The following PTPRK variants were observed in gnomAD, a reference collection of about 807,000 sequenced individuals.
PTPRK encodes the protein protein tyrosine phosphatase receptor type K.
Under a neutral mutation model 178.0 loss-of-function variants are expected in PTPRK, and 75 were observed. The ratio of observed to expected loss-of-function variants is 0.42; its 90% CI spans 0.35 to 0.51. The LOEUF is 0.51. Among genes scored for constraint, PTPRK ranks in the 20% least tolerant of loss-of-function variants. The pLI is 0.02. For missense variants in PTPRK, 1,441 were observed against 1,797.8 expected (o/e 0.80, Z 3.59); for synonymous variants, 637 against 620.6 (o/e 1.03, Z -0.39).
intron 13 of PTPRK, among the ~76,000 whole-genome samples, chr6:128,018,818 C>T (rs1773002466): frequency 6.6e-6 from 1 of 151,984 alleles, no homozygotes; most frequent in African/African-American, 2.4e-5. Context: ...GGGAAGTCTA[C>T]TTTCTAAAAA....
rs754737367 is a variant in PTPRK, at chr6:128,090,037, G to T, written c.1163-45C>A. On this transcript the variant is annotated intron_variant, in intron 7 of 29. Coordinates refer to ENST00000368226, the MANE Select transcript of PTPRK (RefSeq NM_002844.4). ...TGTAGACAGCTGTCTATTATATCATGAATAATCCTGGAAAAATAAAACACC... is the reference window on the plus strand; with the variant it reads ...TGTAGACAGCTGTCTATTATATCATTAATAATCCTGGAAAAATAAAACACC... 5 of 1,430,170 alleles carry T rather than the reference G, an allele frequency of 3.5e-6. No homozygotes were observed. In the African/African-American group the frequency reaches 5.7e-5, roughly 16 times the overall value. 88.6% of individuals were successfully genotyped at this position (1,430,170 alleles called of 1,614,324 possible).
At chr6:128,127,183 C>T (rs1038361317) in intron 7 of PTPRK, among the ~76,000 whole-genome samples, 4 of 152,178 alleles carry the variant, frequency 2.6e-5, no homozygotes, top group Non-Finnish European at 4.4e-5. Context: ...ATCTTGACTA[C>T]TGTAGCTTAA....
At chr6:128,144,192 A>G (rs1452847543) in intron 7 of PTPRK, among the ~76,000 whole-genome samples, 2 of 152,184 alleles carry the variant, frequency 1.3e-5, no homozygotes, top group Non-Finnish European at 2.9e-5. Flanking sequence ...CAGATTATCT[A>G]TAGTGAAGGA....
At chr6:127,977,151 G>T in intron 25 of PTPRK, 97 bp from the exon 26 acceptor site, 1 of 1,231,054 alleles carries the variant, frequency 8.1e-7, no homozygotes, top group African/African-American at 1.5e-5. Flanking sequence ...GGACCAGTAA[G>T]ATGCAATAGC....
At chr6:128,264,017 AC>A (rs5879883) in intron 3 of PTPRK, among the ~76,000 whole-genome samples, 5,801 of 152,232 alleles carry the variant, frequency 0.038, 365 homozygotes, top group African/African-American at 0.13. Context: ...GCAGACTACT[AC>A]ATCAAGCAAA....
At chr6:128,344,914 T>C (rs1832206492) in intron 2 of PTPRK, among the ~76,000 whole-genome samples, 1 of 151,924 alleles carries the variant, frequency 6.6e-6, no homozygotes, top group South Asian at 2.1e-4. Context: ...TTTTAATTAA[T>C]CTAGAGAAAA....
chr6:128,319,092 T>G lies in PTPRK; in HGVS notation c.495+2947A>C, dbSNP rs561804470. On this transcript the variant is annotated intron_variant, in intron 3 of 29. Coordinates refer to ENST00000368226, the MANE Select transcript of PTPRK (RefSeq NM_002844.4). ...TATGTCAAAAAGCAAAATTTACATT[T>G]GCTGGCTCTAAGTAAGTGTGATTTA... is the stretch of plus-strand genomic sequence containing the variant. Among the ~76,000 whole-genome samples the G allele has an allele frequency of 3.9e-5, 6 of 152,322 alleles. No homozygotes were observed. In the South Asian group the frequency reaches 1.0e-3, roughly 26 times the overall value.
At chr6:128,481,558 T>G (rs1406402580) in intron 1 of PTPRK, among the ~76,000 whole-genome samples, 1 of 152,110 alleles carries the variant, frequency 6.6e-6, no homozygotes, top group Non-Finnish European at 1.5e-5. Context: ...ACTGTAACAT[T>G]GTATTGCAGG....
chr6:128,022,697 T>C (rs10456973), intron 13 of PTPRK, among the ~76,000 whole-genome samples: 82,676 of 151,994 alleles, frequency 0.54, 24,540 homozygotes, highest in Non-Finnish European at 0.67. Context: ...CAGTATTTCC[T>C]GGAACACCTA....
At chr6:128,202,863 C>CA (rs1015639225) in intron 6 of PTPRK, among the ~76,000 whole-genome samples, 4 of 152,018 alleles carry the variant, frequency 2.6e-5, no homozygotes, top group African/African-American at 9.7e-5. Context: ...GAAACTAATC[C>CA]AAAAAATTAA....
chr6:128,027,595 T>G (rs947293899), intron 13 of PTPRK, among the ~76,000 whole-genome samples: 2 of 152,074 alleles, frequency 1.3e-5, no homozygotes. Flanking sequence ...TGAGGCTTGT[T>G]GTATGTTTTT....
intron 6 of PTPRK, among the ~76,000 whole-genome samples, chr6:128,214,191 ATAGG>A (rs1284904554): frequency 2.0e-5 from 3 of 152,148 alleles, no homozygotes; most frequent in African/African-American, 7.2e-5. Flanking sequence ...AAAAGTTCTA[ATAGG>A]TTTTGAATGC....
intron 7 of PTPRK, among the ~76,000 whole-genome samples, chr6:128,143,755 C>T (rs1796101696): frequency 6.6e-6 from 1 of 152,130 alleles, no homozygotes; most frequent in African/African-American, 2.4e-5. Context: ...ATTCTAATCT[C>T]ATCCTTTTAT....
chr6:128,241,572 A>C (rs768394511), intron 4 of PTPRK, among the ~76,000 whole-genome samples: 29 of 152,172 alleles, frequency 1.9e-4, no homozygotes, highest in Non-Finnish European at 3.8e-4. Flanking sequence ...CGGGCCCTAT[A>C]AAATGCTGCT....
At chr6:128,341,562 CA>C (rs1451532894) in intron 2 of PTPRK, among the ~76,000 whole-genome samples, 8 of 151,946 alleles carry the variant, frequency 5.3e-5, no homozygotes, top group South Asian at 2.1e-4. Context: ...AACATTTTTT[CA>C]AAAAGATGCT....
At chr6:128,194,907 T>C (rs1804588295) in intron 6 of PTPRK, among the ~76,000 whole-genome samples, 1 of 152,148 alleles carries the variant, frequency 6.6e-6, no homozygotes, top group Non-Finnish European at 1.5e-5. Context: ...TCATTTCATA[T>C]TAAGACACAA....
chr6:128,314,582 G>A (rs1484632474), intron 3 of PTPRK, among the ~76,000 whole-genome samples: 1 of 152,022 alleles, frequency 6.6e-6, no homozygotes, highest in Non-Finnish European at 1.5e-5. Flanking sequence ...GCTCTAGTTG[G>A]TGTCTGTTAT....
At chr6:128,290,082 G>A (rs1823132643) in intron 3 of PTPRK, among the ~76,000 whole-genome samples, 1 of 151,930 alleles carries the variant, frequency 6.6e-6, no homozygotes, top group Admixed American at 6.6e-5. Context: ...AACAAAGATG[G>A]GAAACAACCA....
At chr6:128,123,241 G>A (rs1254243316) in intron 7 of PTPRK, among the ~76,000 whole-genome samples, 1 of 152,074 alleles carries the variant, frequency 6.6e-6, no homozygotes, top group Non-Finnish European at 1.5e-5. Context: ...AGGGAGCATT[G>A]TCCCTAGAAA....
Sources: allele counts gnomAD v4.1 joint callset (sites outside exome capture counted in the v4.1 genomes callset), GRCh38; gene constraint gnomAD v4.1.1; transcripts MANE v1.5; gene names NCBI Gene and HGNC (gene_info 2026-07-23, HGNC 2026-07-21).